DCAKD: variants seen among roughly 807,000 people sequenced by gnomAD.
DCAKD encodes the protein dephospho-CoA kinase domain containing, also known as dephospho-CoA kinase domain-containing protein.
In DCAKD, 15 loss-of-function variants were observed where a neutral mutation model predicts 18.7. The observed-to-expected ratio is 0.80, with a 90% CI of 0.54 to 1.24. The LOEUF (loss-of-function observed/expected upper bound fraction) is 1.24. DCAKD is among the 50% of genes most tolerant of loss of function. DCAKD has a pLI of 0.00. For synonymous variants in DCAKD, 130 were observed against 133.0 expected, an observed-to-expected ratio of 0.98 and a Z score of 0.16; for missense variants, 301 against 322.0, an observed-to-expected ratio of 0.93 and a Z score of 0.50.
intron 3 of DCAKD, among the ~76,000 whole-genome samples, chr17:45,032,952 G>T (rs926148415): frequency 2.6e-5 from 4 of 152,202 alleles, no homozygotes; most frequent in Non-Finnish European, 5.9e-5. Flanking sequence ...CCTCTTGCCA[G>T]ATCCCAAGCC....
At chr17:45,053,176 A>T (rs919645693), upstream of DCAKD, among the ~76,000 whole-genome samples, 1 of 106,226 alleles carries the variant, frequency 9.4e-6, no homozygotes, top group African/African-American at 3.0e-5. Context: ...AGTTAAAAAA[A>T]AAAAAAAAAA....
At chr17:45,032,035 A>G in intron 3 of DCAKD, 2 of 985,368 alleles carry the variant, frequency 2.0e-6, no homozygotes, top group Non-Finnish European at 2.4e-6. Context: ...ACAGTGAAAG[A>G]GCTTTGGAGC....
At chr17:45,031,465 A>G in intron 3 of DCAKD, 1 of 950,802 alleles carries the variant, frequency 1.1e-6, no homozygotes, top group African/African-American at 1.9e-5. Context: ...GGATGATGGT[A>G]AAGATGAAAT....
upstream of DCAKD, among the ~76,000 whole-genome samples, chr17:45,053,847 G>A (rs1285010722): frequency 6.6e-6 from 1 of 152,238 alleles, no homozygotes; most frequent in Admixed American, 6.5e-5. Flanking sequence ...ATAGGCATGA[G>A]CCACGGTGCC....
intron 1 of DCAKD, among the ~76,000 whole-genome samples, chr17:45,049,616 T>G (rs2143374147): frequency 6.6e-6 from 1 of 151,872 alleles, no homozygotes; most frequent in East Asian, 1.9e-4. Flanking sequence ...TAACCAGAAC[T>G]TTTATCCTCT....
rs113083626 is a variant in DCAKD, at chr17:45,032,239, G to A, written c.316+1948C>T. 1,893 of 530,054 alleles carry A rather than the reference G, an allele frequency of 3.6e-3. 25 individuals are homozygous for A. In the African/African-American group the frequency reaches 0.037, roughly 10 times the overall value. The allele number at this position is 530,054 out of a possible 1,614,324, so 32.8% of individuals were successfully genotyped here. A position where few individuals can be genotyped will look rare whatever the true frequency, so the allele number is the denominator to read the frequency against. On this transcript the variant is annotated intron_variant, in intron 3 of 4. Transcript: ENST00000651974. Reference sequence around the variant, plus strand: ...AGGCAGCACAAAGAGTCCAGAGGGAGGACTCTTCTTGAGGGAGGCAGGGAG... The same window carrying A: ...AGGCAGCACAAAGAGTCCAGAGGGAAGACTCTTCTTGAGGGAGGCAGGGAG...
At chr17:45,043,514 T>C (rs2053488226) in intron 1 of DCAKD, among the ~76,000 whole-genome samples, 1 of 152,114 alleles carries the variant, frequency 6.6e-6, no homozygotes, top group African/African-American at 2.4e-5. Flanking sequence ...AACCCAAACA[T>C]CCTAGGGCAT....
At chr17:45,053,182 A>C (rs201877165), upstream of DCAKD, among the ~76,000 whole-genome samples, 12,139 of 143,232 alleles carry the variant, frequency 0.085, 764 homozygotes, top group Middle Eastern at 0.14. Flanking sequence ...AAAAAAAAAA[A>C]AAAAAAAAAA....
chr17:45,042,290 C>T (rs1378338353), intron 1 of DCAKD, among the ~76,000 whole-genome samples: 3 of 152,180 alleles, frequency 2.0e-5, no homozygotes, highest in Non-Finnish European at 2.9e-5. Context: ...TTTGGACTTT[C>T]ATTTCTGTTC....
intron 1 of DCAKD, among the ~76,000 whole-genome samples, chr17:45,058,641 C>G (rs1449653654): frequency 6.6e-6 from 1 of 151,072 alleles, no homozygotes; most frequent in African/African-American, 2.4e-5. Flanking sequence ...AGGCTGGTCT[C>G]GAACTCCTGA....
intron 1 of DCAKD, among the ~76,000 whole-genome samples, chr17:45,045,906 A>G (rs186494408): frequency 1.3e-5 from 2 of 150,456 alleles, no homozygotes; most frequent in Non-Finnish European, 3.0e-5. Flanking sequence ...GCTTACTGCA[A>G]CCTCTACCTC....
intron 1 of DCAKD, among the ~76,000 whole-genome samples, chr17:45,046,023 C>A (rs1247913911): frequency 6.6e-6 from 1 of 151,906 alleles, no homozygotes; most frequent in African/African-American, 2.4e-5. Context: ...GACGGGATTT[C>A]ACCACGTTGG....
chr17:45,053,187 A>AC (rs1477136905), upstream of DCAKD, among the ~76,000 whole-genome samples: 1 of 148,084 alleles, frequency 6.8e-6, no homozygotes, highest in Non-Finnish European at 1.5e-5. Context: ...AAAAAAAAAA[A>AC]AAAAAAAAAC....
rs2052991554 is a variant in DCAKD, at chr17:45,023,855, G to A, written c.*578C>T. 6.5e-6 allele frequency: 1 copy of A among 152,992 alleles called. No homozygotes were observed. The highest frequency in any genetic ancestry group is 1.5e-5 in the Non-Finnish European group (1 of 68,580). The allele number at this position is 152,992 out of a possible 1,614,324, so 9.5% of individuals were successfully genotyped here. On this transcript the variant is annotated 3_prime_UTR_variant, in exon 5 of 5. Transcript: ENST00000651974. ...TGCCTGGCTACAGCGTTACCCACGA[G>A]AGAATCCTTGCTGCTTGCTGGCAGC... is the stretch of plus-strand genomic sequence containing the variant.
chr17:45,046,236 G>A (rs1448134821), intron 1 of DCAKD, among the ~76,000 whole-genome samples: 5 of 152,190 alleles, frequency 3.3e-5, no homozygotes, highest in Admixed American at 3.3e-4. Flanking sequence ...AAATGTGGGA[G>A]AGAGTGCCTA....
chr17:45,039,757 G>C (rs1266516470), intron 1 of DCAKD, among the ~76,000 whole-genome samples: 1 of 152,360 alleles, frequency 6.6e-6, no homozygotes, highest in East Asian at 1.9e-4. Flanking sequence ...GGGAGGCTGA[G>C]AGTCACACTG....
Position 45,051,557 on chromosome 17 carries a change from C to CGCCTCCGCCGTGGCCCAG in DCAKD, c.-329_-312dup, listed in dbSNP as rs1302234028. 1 of 151,518 alleles carries CGCCTCCGCCGTGGCCCAG rather than the reference C, an allele frequency of 6.6e-6. No individual in the cohort carries two copies. The highest frequency in any genetic ancestry group is 1.5e-5 in the Non-Finnish European group (1 of 67,820). 9.4% of individuals were successfully genotyped at this position (151,518 alleles called of 1,614,324 possible). ...CCCGCGTGGCGCGCTACGTACCCAGCGCCTCCGCCGTGGCCCAGGCCTCCG... is the reference window on the plus strand; with the variant it reads ...CCCGCGTGGCGCGCTACGTACCCAGCGCCTCCGCCGTGGCCCAGGCCTCCGCCGTGGCCCAGGCCTCCG... On this transcript the variant is annotated 5_prime_UTR_variant, in exon 1 of 5. Transcript: ENST00000651974.
rs113250552 is a variant in DCAKD, at chr17:45,050,653, A to G, written c.-115+708T>C. 1.7e-3 allele frequency among the ~76,000 whole-genome samples: 256 copies of G among 151,198 alleles called. 2 individuals carry two copies. Among genetic ancestry groups the G allele is most frequent in the African/African-American group, 5.8e-3 (242 of 41,370 alleles). On this transcript the variant is annotated intron_variant, in intron 1 of 4. Transcript: ENST00000651974. ...ACTGTGCCACACCAACTCAATCTTG[A>G]TTTATTCAGGTAAAATGAGCACTCT...
chr17:45,055,575 C>T (rs1282181639), upstream of DCAKD, among the ~76,000 whole-genome samples: 10 of 152,046 alleles, frequency 6.6e-5, no homozygotes, highest in Admixed American at 6.6e-4. Context: ...ATTCTCATTG[C>T]CATACCTCAA....
Sources: gnomAD v4.1 joint callset for allele counts (sites outside exome capture counted in the v4.1 genomes callset) on GRCh38, gnomAD v4.1.1 for gene constraint, MANE v1.5 for transcripts, NCBI Gene and HGNC (gene_info 2026-07-23, HGNC 2026-07-21) for gene names.